TAF1A: variants seen among roughly 807,000 people sequenced by gnomAD.
The protein encoded by TAF1A is TATA box-binding protein-associated factor RNA polymerase I subunit A.
Under a neutral mutation model 61.6 loss-of-function variants are expected in TAF1A, and 42 were observed. The observed-to-expected ratio is 0.68, with a 90% confidence interval of 0.53 to 0.88. The LOEUF is 0.88. TAF1A is among the 40% of genes least tolerant of loss of function. The pLI, the probability that TAF1A is intolerant of heterozygous loss-of-function variation, is 0.00. For synonymous variants in TAF1A, 179 were observed against 177.7 expected (o/e 1.01, Z -0.06); for missense variants, 424 against 518.7 (o/e 0.82, Z 1.77).
chr1:222,588,616 C>A, intron 1 of TAF1A, 51 bp from the exon 2 acceptor site: 4 of 1,575,308 alleles, frequency 2.5e-6, no homozygotes, highest in Non-Finnish European at 3.4e-6. Flanking sequence ...AATCCACAGT[C>A]TTCTGAGTTG....
chr1:222,559,357 C>T (rs1410745472), intron 10 of TAF1A, among the ~76,000 whole-genome samples: 2 of 152,242 alleles, frequency 1.3e-5, no homozygotes, highest in Admixed American at 6.5e-5. Context: ...GACCATGTAG[C>T]TCTCACAGAG....
At chr1:222,579,910 T>C (rs1449043203) in intron 3 of TAF1A, 38 bp from the exon 4 acceptor site, 21 of 1,581,726 alleles carry the variant, frequency 1.3e-5, no homozygotes, top group African/African-American at 4.1e-5. Flanking sequence ...TGTAAAATTT[T>C]TGCCTTAACC....
In TAF1A at chr1:222,564,100, T is replaced by C; in HGVS notation, c.920A>G (p.His307Arg). 1.9e-6 allele frequency: 3 copies of C among 1,559,272 alleles called. No homozygotes were observed. The highest frequency in any genetic ancestry group is 1.1e-5 in the South Asian group (1 of 88,726). Residue 307 changes from histidine to arginine, a missense_variant, in exon 8 of 11, where the codon CAT becomes CGT. By Grantham distance (29) the His-to-Arg change is conservative (BLOSUM62 0). Transcript: ENST00000352967. ...LKILYQIVPS[H>R]KLMLEFHTLL... ...TGTATGGAATTCCAACATCAATTTATGAGATGGTACAATCTGATACAAAAT... is the reference window on the plus strand; with the variant it reads ...TGTATGGAATTCCAACATCAATTTACGAGATGGTACAATCTGATACAAAAT...
downstream of TAF1A, among the ~76,000 whole-genome samples, chr1:222,556,791 T>C (rs1659732859): frequency 6.6e-6 from 1 of 152,200 alleles, no homozygotes; most frequent in Non-Finnish European, 1.5e-5. Flanking sequence ...TCAAGAGAAA[T>C]CATAGTCCTG....
At chr1:222,575,693 G>A (rs954977345) in intron 5 of TAF1A, among the ~76,000 whole-genome samples, 1 of 152,124 alleles carries the variant, frequency 6.6e-6, no homozygotes, top group African/African-American at 2.4e-5. Context: ...CCATGAGTTT[G>A]GTTATAAAGA....
At chr1:222,581,363 CTTT>C (rs1264008863) in intron 3 of TAF1A, among the ~76,000 whole-genome samples, 1 of 151,950 alleles carries the variant, frequency 6.6e-6, no homozygotes, top group African/African-American at 2.4e-5. Flanking sequence ...TTCAGCTTCT[CTTT>C]TTTATTTTTT....
At chr1:222,584,059 T>C (rs1660912443) in intron 3 of TAF1A, 69 bp downstream of exon 3, 20 of 1,524,358 alleles carry the variant, frequency 1.3e-5, no homozygotes, top group Middle Eastern at 1.7e-4. Flanking sequence ...AAAGCTACTG[T>C]AGGTGAAGCT....
Position 222,579,875 on chromosome 1 carries a change from G to C in TAF1A, c.292-3C>G. ...TCACTTCCGAGCTTCCAAATAATCT[G>C]TCAAAGCAGAAATTACTGCCAAAAT... On this transcript the variant is annotated splice_region_variant and splice_polypyrimidine_tract_variant and intron_variant, in intron 3 of 10. Coordinates refer to ENST00000352967, the MANE Select transcript of TAF1A (RefSeq NM_005681.4). 1 of 1,593,778 alleles carries C rather than the reference G, an allele frequency of 6.3e-7. No individual in the cohort carries two copies. The highest frequency in any genetic ancestry group is 8.5e-7 in the Non-Finnish European group (1 of 1,174,232).
At chr1:222,583,691 A>G (rs1452923695) in intron 3 of TAF1A, among the ~76,000 whole-genome samples, 1 of 152,094 alleles carries the variant, frequency 6.6e-6, no homozygotes, top group Non-Finnish European at 1.5e-5. Flanking sequence ...ACAAAAAATT[A>G]GCCGGGCGTG....
chr1:222,586,378 T>C (rs539993551), intron 2 of TAF1A, among the ~76,000 whole-genome samples: 1 of 152,190 alleles, frequency 6.6e-6, no homozygotes, highest in Non-Finnish European at 1.5e-5. Context: ...CTTTCACAAC[T>C]GAGATTATAA....
At chr1:222,574,715 G>T (rs1660497783) in intron 5 of TAF1A, among the ~76,000 whole-genome samples, 1 of 152,182 alleles carries the variant, frequency 6.6e-6, no homozygotes, top group Non-Finnish European at 1.5e-5. Flanking sequence ...AACAAAATAT[G>T]CAAGGCCTAA....
rs373489302 is a variant in TAF1A at position 222,569,646 on chromosome 1, C to T, written c.758G>A (p.Arg253Gln). The T allele has an allele frequency of 1.3e-5, 21 of 1,613,118 alleles. No homozygotes were observed. In the African/African-American group the frequency reaches 2.5e-4, roughly 20 times the overall value. The change falls in exon 7 of 11, where the codon CGA becomes CAA. Residue 253 changes from arginine to glutamine, a missense_variant. Arg to Gln is a conservative substitution (Grantham distance 43, BLOSUM62 1). Coordinates refer to ENST00000352967, the MANE Select transcript of TAF1A (RefSeq NM_005681.4). ...YVEMLEFYGD[R>Q]DGAQEVLTNY... Reference sequence around the variant, plus strand: ...GGTGAGTACCTCTTGGGCTCCATCTCGATCCCCATAGAATTCCAGCATCTA... The same window carrying T: ...GGTGAGTACCTCTTGGGCTCCATCTTGATCCCCATAGAATTCCAGCATCTA...
Position 222,563,254 on chromosome 1 carries a change from C to G in TAF1A, c.1004G>C (p.Gly335Ala). The G allele has an allele frequency of 6.2e-7, 1 of 1,612,936 alleles. No individual in the cohort carries two copies. Among genetic ancestry groups the G allele is most frequent in the Non-Finnish European group, 8.5e-7 (1 of 1,179,544 alleles). Residue 335 changes from glycine to alanine, a missense_variant, in exon 9 of 11, where the codon GGA becomes GCA. Transcript: ENST00000352967. ...HRKLGLEVLFGVLDFAGCTKN... is the reference protein window; with the variant it reads ...HRKLGLEVLFAVLDFAGCTKN... ...AGTGCATCCGGCAAAATCTAAGACTCCAAATAATACCTCCAACCCCAGTTT... is the reference window on the plus strand; with the variant it reads ...AGTGCATCCGGCAAAATCTAAGACTGCAAATAATACCTCCAACCCCAGTTT...
intron 5 of TAF1A, among the ~76,000 whole-genome samples, chr1:222,572,785 A>G (rs35661007): frequency 2.6e-5 from 4 of 152,244 alleles, no homozygotes; most frequent in Non-Finnish European, 4.4e-5. Flanking sequence ...CTTCATAAAA[A>G]TTAACTCAAA....
intron 7 of TAF1A, chr1:222,569,220 A>T: frequency 8.3e-7 from 1 of 1,211,218 alleles, no homozygotes; most frequent in Non-Finnish European, 1.0e-6. Context: ...CTCTCTGAAA[A>T]CTAAATTTCA....
At chr1:222,573,431 A>T (rs1421711029) in intron 5 of TAF1A, among the ~76,000 whole-genome samples, 1 of 152,254 alleles carries the variant, frequency 6.6e-6, no homozygotes, top group Non-Finnish European at 1.5e-5. Context: ...GGTAATTAAA[A>T]TATGAGCAAA....
rs773866481 is a variant in TAF1A, at chr1:222,563,315, T to C, written c.962-19A>G. On this transcript the variant is annotated intron_variant, in intron 8 of 10. Transcript: ENST00000352967. Reference sequence around the variant, plus strand: ...TCTTTTTCTGCAATGGTTTTAACAGTTCAAGTTTACATAAGGTATTAAAGT... The same window carrying C: ...TCTTTTTCTGCAATGGTTTTAACAGCTCAAGTTTACATAAGGTATTAAAGT... 4.4e-6 allele frequency: 7 copies of C among 1,609,008 alleles called. No homozygotes were observed. In the South Asian group the frequency reaches 7.8e-5, roughly 18 times the overall value.
At chr1:222,578,057 T>C (rs1241106189) in intron 4 of TAF1A, among the ~76,000 whole-genome samples, 1 of 152,174 alleles carries the variant, frequency 6.6e-6, no homozygotes, top group African/African-American at 2.4e-5. Flanking sequence ...AATCACCTAA[T>C]AGTTTGGCTC....
At chr1:222,567,904 A>C (rs761195159) in intron 7 of TAF1A, among the ~76,000 whole-genome samples, 24 of 152,220 alleles carry the variant, frequency 1.6e-4, no homozygotes, top group Non-Finnish European at 2.8e-4. Flanking sequence ...CACATTTAGA[A>C]GACCTACAAT....
Sources: allele counts gnomAD v4.1 joint callset (sites outside exome capture counted in the v4.1 genomes callset), GRCh38; gene constraint gnomAD v4.1.1; transcripts MANE v1.5; gene names NCBI Gene and HGNC (gene_info 2026-07-23, HGNC 2026-07-21).